The following CPVL variants were observed in gnomAD, a reference collection of about 807,000 sequenced individuals.
The protein encoded by CPVL is probable serine carboxypeptidase CPVL.
Under a neutral mutation model 63.7 loss-of-function variants are expected in CPVL, and 51 were observed. That is an observed-to-expected ratio of 0.80 (90% confidence interval 0.64 to 1.01). The LOEUF (loss-of-function observed/expected upper bound fraction) is 1.01. CPVL is among the 50% of genes least tolerant of loss of function. The pLI, the probability that CPVL is intolerant of heterozygous loss-of-function variation, is 0.00. For synonymous variants in CPVL, 195 were observed against 206.0 expected (o/e 0.95, Z 0.46); for missense variants, 530 against 573.1 (o/e 0.92, Z 0.77).
At position 29,145,016 on chromosome 7, in the gene CPVL, C is replaced by T. The variant is rs116527028; in HGVS notation, c.-11+1413G>A. On this transcript the variant is annotated intron_variant, in intron 1 of 12. Transcript: ENST00000265394. Reference sequence around the variant, plus strand: ...CATCTGGTTAAGAACACTGACACTACATTATAAAGGGTTGCCCCTGTACTT... The same window carrying T: ...CATCTGGTTAAGAACACTGACACTATATTATAAAGGGTTGCCCCTGTACTT... Among the ~76,000 whole-genome samples, 373 of 151,612 alleles carry T rather than the reference C, an allele frequency of 2.5e-3. 1 individual carries two copies. Among genetic ancestry groups the T allele is most frequent in the African/African-American group, 8.8e-3 (364 of 41,326 alleles).
intron 11 of CPVL, among the ~76,000 whole-genome samples, chr7:29,032,974 T>C (rs1474875028): frequency 1.3e-5 from 2 of 152,318 alleles, no homozygotes; most frequent in Non-Finnish European, 1.5e-5. Flanking sequence ...TCAAGACTTA[T>C]CATAACAAGA....
intron 5 of CPVL, 60 bp downstream of exon 5, chr7:29,095,024 G>A (rs1263228331): frequency 3.2e-6 from 4 of 1,265,542 alleles, no homozygotes; most frequent in South Asian, 1.3e-5. Context: ...TAATAAAAAG[G>A]AAAAAATAAA....
chr7:29,130,352 G>A (rs1790558016), intron 1 of CPVL, among the ~76,000 whole-genome samples: 1 of 151,974 alleles, frequency 6.6e-6, no homozygotes, highest in African/African-American at 2.4e-5. Context: ...TTTCCCACAG[G>A]GTCCTTTATG....
At chr7:29,065,924 C>G (rs181061794) in intron 10 of CPVL, 99 bp downstream of exon 10, 1 of 653,610 alleles carries the variant, frequency 1.5e-6, no homozygotes, top group Admixed American at 2.7e-5. Context: ...ACATGTTGGT[C>G]TAGTATAAAG....
At chr7:29,142,633 C>G (rs7794536) in intron 1 of CPVL, among the ~76,000 whole-genome samples, 36,692 of 150,314 alleles carry the variant, frequency 0.24, 4,498 homozygotes, top group East Asian at 0.3. Context: ...TGCAGCGATT[C>G]TCCCGCCTCA....
In CPVL at chr7:29,014,390, T is replaced by G. The variant is rs139575149; in HGVS notation, c.1320+16187A>C. On this transcript the variant is annotated intron_variant, in intron 12 of 12. Transcript: ENST00000265394. ...CTCTGACGCCCAGGCTGGGGTGCAGTGGCGTGAACATAGCTCACTGCGCCT... is the reference window on the plus strand; with the variant it reads ...CTCTGACGCCCAGGCTGGGGTGCAGGGGCGTGAACATAGCTCACTGCGCCT... Among the ~76,000 whole-genome samples the G allele has an allele frequency of 2.8e-3, 426 of 152,318 alleles. 1 individual carries two copies. The highest frequency in any genetic ancestry group is 9.7e-3 in the African/African-American group (405 of 41,562).
At chr7:29,178,423 G>A (rs564926122) in intron 5 of CPVL, among the ~76,000 whole-genome samples, 3 of 152,066 alleles carry the variant, frequency 2.0e-5, no homozygotes, top group East Asian at 1.9e-4. Context: ...TCCACTGGCC[G>A]CCTTTCCTGT....
chr7:29,174,141 T>C (rs1270700119), intron 5 of CPVL, among the ~76,000 whole-genome samples: 10 of 149,226 alleles, frequency 6.7e-5, no homozygotes, highest in Non-Finnish European at 1.3e-4. Flanking sequence ...GACCCCCCCG[T>C]TTGGTGGCAC....
At chr7:29,172,694 A>ACAGT (rs542484754) in intron 5 of CPVL, among the ~76,000 whole-genome samples, 80 of 152,320 alleles carry the variant, frequency 5.3e-4, no homozygotes, top group African/African-American at 1.9e-3. Flanking sequence ...TTTTTGACAT[A>ACAGT]CAGTCATCTG....
At chr7:29,135,498 AT>A (rs1791114665) in intron 1 of CPVL, among the ~76,000 whole-genome samples, 1 of 151,634 alleles carries the variant, frequency 6.6e-6, no homozygotes, top group Non-Finnish European at 1.5e-5. Context: ...TGCCTAACTA[AT>A]TTTTTTGTAT....
chr7:29,163,927 C>T (rs1795539923), intron 5 of CPVL, among the ~76,000 whole-genome samples: 1 of 152,150 alleles, frequency 6.6e-6, no homozygotes, highest in Admixed American at 6.5e-5. Flanking sequence ...TGTTCAAGGA[C>T]ATCTGGGTTG....
chr7:29,177,022 AAG>A lies in CPVL; in HGVS notation c.-11+4266_-11+4267del, dbSNP rs566466574. On this transcript the variant is annotated intron_variant, in intron 5 of 16. Coordinates refer to the CPVL transcript ENST00000409850. ...TCATTTAATACAAAAGAAAGCAAGA[AAG>A]AGAGGGGAAAAAATATAGATGGAAG... is the stretch of plus-strand genomic sequence containing the variant. Among the ~76,000 whole-genome samples the A allele has an allele frequency of 7.7e-3, 1,166 of 152,200 alleles. 5 individuals are homozygous for A. Among genetic ancestry groups the A allele is most frequent in the Non-Finnish European group, 0.012 (828 of 68,024 alleles).
chr7:29,146,004 C>G (rs527401930), intron 1 of CPVL: 1 of 152,258 alleles, frequency 6.6e-6, no homozygotes, highest in Non-Finnish European at 1.5e-5. Context: ...TCTCTTGCTT[C>G]TGAGCACCCA....
rs189648711 is a variant in CPVL at position 29,025,266 on chromosome 7, A to T, written c.1320+5311T>A. 1.2e-4 allele frequency among the ~76,000 whole-genome samples: 18 copies of T among 149,730 alleles called. No homozygotes were observed. In the East Asian group the frequency reaches 3.5e-3, roughly 29 times the overall value. On this transcript the variant is annotated intron_variant, in intron 12 of 12. Coordinates refer to ENST00000265394, the MANE Select transcript of CPVL (RefSeq NM_031311.5). Reference sequence around the variant, plus strand: ...TGGCTTACAATTCTGTAGGCTATACAAGTATGGCACCAACATTTGCTCAGC... The same window carrying T: ...TGGCTTACAATTCTGTAGGCTATACTAGTATGGCACCAACATTTGCTCAGC...
chr7:29,163,577 G>A (rs1346965427), intron 5 of CPVL, among the ~76,000 whole-genome samples: 1 of 151,754 alleles, frequency 6.6e-6, no homozygotes, highest in Non-Finnish European at 1.5e-5. Context: ...AGGTATAACT[G>A]GCATACAATA....
chr7:29,088,846 G>A (rs1481395579), intron 6 of CPVL, among the ~76,000 whole-genome samples: 2 of 152,066 alleles, frequency 1.3e-5, no homozygotes, highest in African/African-American at 4.8e-5. Flanking sequence ...GTGGTGGTGG[G>A]CGCCTGTAGT....
chr7:29,114,906 G>C (rs1233717594), intron 2 of CPVL, among the ~76,000 whole-genome samples: 1 of 152,164 alleles, frequency 6.6e-6, no homozygotes, highest in Non-Finnish European at 1.5e-5. Context: ...CTGCTGACTA[G>C]GAACAGGGAG....
At chr7:29,079,649 C>T (rs1233097546) in intron 7 of CPVL, among the ~76,000 whole-genome samples, 1 of 152,224 alleles carries the variant, frequency 6.6e-6, no homozygotes, top group East Asian at 1.9e-4. Context: ...TGAAGTATCA[C>T]TTCTAGCCAT....
intron 5 of CPVL, among the ~76,000 whole-genome samples, chr7:29,159,398 C>A (rs1794875776): frequency 6.6e-6 from 1 of 152,128 alleles, no homozygotes; most frequent in South Asian, 2.1e-4. Context: ...TTATTCTATA[C>A]CAGAATAATG....
Sources: gnomAD v4.1 joint callset for allele counts (sites outside exome capture counted in the v4.1 genomes callset) on GRCh38, gnomAD v4.1.1 for gene constraint, MANE v1.5 for transcripts, NCBI Gene and HGNC (gene_info 2026-07-23, HGNC 2026-07-21) for gene names.